HECW1: variants seen among roughly 807,000 people sequenced by gnomAD.
The protein encoded by HECW1 is E3 ubiquitin-protein ligase HECW1.
Under a neutral mutation model 182.3 loss-of-function variants are expected in HECW1, and 61 were observed. The observed-to-expected ratio is 0.33, with a 90% CI of 0.27 to 0.41. The LOEUF (loss-of-function observed/expected upper bound fraction) is 0.41, where lower values mean the gene tolerates loss of function less well. Among genes scored for constraint, HECW1 ranks in the 10% least tolerant of loss-of-function variants. HECW1 has a pLI of 1.00. For missense variants in HECW1, 1,739 were observed against 2,108.9 expected (o/e 0.82, Z 3.44); for synonymous variants, 859 against 832.6 (o/e 1.03, Z -0.55).
At chr7:43,322,434 A>G (rs1441860939) in intron 5 of HECW1, among the ~76,000 whole-genome samples, 1 of 152,062 alleles carries the variant, frequency 6.6e-6, no homozygotes. Context: ...AAAATCCCTT[A>G]AACCCAATTT....
intron 2 of HECW1, among the ~76,000 whole-genome samples, chr7:43,180,783 A>G (rs1792774154): frequency 6.6e-6 from 1 of 152,252 alleles, no homozygotes; most frequent in African/African-American, 2.4e-5. Context: ...ACATTGTTTA[A>G]TGAACAAATC....
chr7:43,258,210 C>T (rs1465284058), intron 3 of HECW1, among the ~76,000 whole-genome samples: 2 of 151,860 alleles, frequency 1.3e-5, no homozygotes, highest in Non-Finnish European at 2.9e-5. Context: ...GGTGTGGTGG[C>T]ACATGGCCTG....
intron 7 of HECW1, among the ~76,000 whole-genome samples, chr7:43,403,058 TAAA>T (rs2075479948): frequency 6.6e-6 from 1 of 152,212 alleles, no homozygotes; most frequent in Admixed American, 6.5e-5. Context: ...CAAAATGTTC[TAAA>T]AGGCATGGGA....
At chr7:43,356,772 A>C (rs1020159745) in intron 5 of HECW1, among the ~76,000 whole-genome samples, 2 of 152,236 alleles carry the variant, frequency 1.3e-5, no homozygotes, top group Non-Finnish European at 2.9e-5. Context: ...TGGAAATTAA[A>C]CTACATGCTC....
Position 43,225,057 on chromosome 7 carries a change from C to T in HECW1, c.-31-18818C>T, listed in dbSNP as rs554256004. On this transcript the variant is annotated intron_variant, in intron 2 of 29. Transcript: ENST00000395891. ...TGATTAGATTGGTGGCAGGTAAATC[C>T]TGTAGCAAAGGTGTGGGGGAAGATG... Among the ~76,000 whole-genome samples the T allele has an allele frequency of 2.6e-5, 4 of 152,136 alleles. No homozygotes were observed. In the East Asian group the frequency reaches 7.7e-4, roughly 29 times the overall value.
intron 14 of HECW1, among the ~76,000 whole-genome samples, chr7:43,465,979 GGGAGGGAA>G (rs2077755018): frequency 7.3e-6 from 1 of 137,890 alleles, no homozygotes; most frequent in Non-Finnish European, 1.5e-5. Flanking sequence ...AAAGAAGGGA[GGGAGGGAA>G]GGAAGGAAGG....
At chr7:43,525,614 A>G (rs2152942368) in intron 24 of HECW1, among the ~76,000 whole-genome samples, 1 of 152,368 alleles carries the variant, frequency 6.6e-6, no homozygotes, top group East Asian at 1.9e-4. Context: ...GAGGTGGACC[A>G]GGGACAGAGG....
chr7:43,410,194 G>C (rs914366107), intron 8 of HECW1, among the ~76,000 whole-genome samples: 1 of 152,144 alleles, frequency 6.6e-6, no homozygotes, highest in Non-Finnish European at 1.5e-5. Flanking sequence ...AAAATGACTG[G>C]GTGGCTTAAA....
chr7:43,353,238 G>A (rs372461521), intron 5 of HECW1, among the ~76,000 whole-genome samples: 15 of 152,064 alleles, frequency 9.9e-5, no homozygotes, highest in African/African-American at 1.9e-4. Context: ...AAGAAGAAAC[G>A]TTAATGATTT....
At chr7:43,139,529 C>T (rs1463550731) in intron 2 of HECW1, among the ~76,000 whole-genome samples, 1 of 151,428 alleles carries the variant, frequency 6.6e-6, no homozygotes, top group Non-Finnish European at 1.5e-5. Flanking sequence ...ATTTTCTCTT[C>T]TATAACATTT....
In HECW1 at chr7:43,237,717, C is replaced by A. The variant is rs529019335; in HGVS notation, c.-31-6158C>A. Among the ~76,000 whole-genome samples the A allele has an allele frequency of 2.0e-5, 3 of 152,272 alleles. No individual in the cohort carries two copies. The East Asian group carries it at 5.8e-4, about 29-fold the overall frequency. ...TCAATGCATGTTGGGTGACTCTGAG[C>A]CTGCTTTGCTAGATAATACCTCTCC... On this transcript the variant is annotated intron_variant, in intron 2 of 29. Coordinates refer to ENST00000395891, the MANE Select transcript of HECW1 (RefSeq NM_015052.5).
rs562625916 is a variant in HECW1 at position 43,218,361 on chromosome 7, AT to A, written c.-31-25507del. Among the ~76,000 whole-genome samples, 19 of 152,224 alleles carry A rather than the reference AT, an allele frequency of 1.2e-4. No homozygotes were observed. The South Asian group carries it at 3.5e-3, about 28-fold the overall frequency. ...ATCTGAACCTCTTAGAGCTCAGGGT[AT>A]TTTTTTCCAAACAAGAGGACAAGAC... On this transcript the variant is annotated intron_variant, in intron 2 of 29. Coordinates refer to ENST00000395891, the MANE Select transcript of HECW1 (RefSeq NM_015052.5).
intron 18 of HECW1, among the ~76,000 whole-genome samples, chr7:43,492,564 A>G (rs2078972027): frequency 6.6e-6 from 1 of 152,212 alleles, no homozygotes; most frequent in Non-Finnish European, 1.5e-5. Flanking sequence ...TATGGCATAA[A>G]GTTTGCAGTG....
At chr7:43,561,336 C>T (rs1017245968) in intron 29 of HECW1, among the ~76,000 whole-genome samples, 1 of 152,212 alleles carries the variant, frequency 6.6e-6, no homozygotes, top group African/African-American at 2.4e-5. Context: ...GTCTCCAGAG[C>T]ACACTTGACT....
chr7:43,142,526 C>G (rs1788269091), intron 2 of HECW1, among the ~76,000 whole-genome samples: 1 of 152,200 alleles, frequency 6.6e-6, no homozygotes, highest in South Asian at 2.1e-4. Flanking sequence ...TCCCTCCCCA[C>G]ACAAAGCCAA....
intron 3 of HECW1, among the ~76,000 whole-genome samples, chr7:43,307,279 G>C (rs549389878): frequency 5.9e-5 from 9 of 152,230 alleles, no homozygotes; most frequent in Non-Finnish European, 1.0e-4. Context: ...TGAAACTATT[G>C]CTGATATTCT....
rs551605149 is a variant in HECW1 at position 43,524,061 on chromosome 7, C to A, written c.4019+14940C>A. Among the ~76,000 whole-genome samples, 89 of 152,250 alleles carry A rather than the reference C, an allele frequency of 5.8e-4. 1 individual carries two copies. The highest frequency in any genetic ancestry group is 2.0e-3 in the African/African-American group (85 of 41,528). On this transcript the variant is annotated intron_variant, in intron 24 of 29. Transcript: ENST00000395891. ...GTGGTTCTCAAATTTTAGTCGGCAA[C>A]TGCAGAATTTATTTTAAATGCAGAT... is the stretch of plus-strand genomic sequence containing the variant.
At chr7:43,406,385 A>C (rs548811378) in intron 7 of HECW1, among the ~76,000 whole-genome samples, 1 of 152,324 alleles carries the variant, frequency 6.6e-6, no homozygotes, top group Non-Finnish European at 1.5e-5. Context: ...ATCATGCCAG[A>C]GAGTAGGAAT....
At chr7:43,375,841 C>T (rs1584685849) in intron 6 of HECW1, among the ~76,000 whole-genome samples, 1 of 138,002 alleles carries the variant, frequency 7.2e-6, no homozygotes. Flanking sequence ...TGCAGTGAGC[C>T]ATGATCAAAC....
Sources: allele counts gnomAD v4.1 joint callset (sites outside exome capture counted in the v4.1 genomes callset), GRCh38; gene constraint gnomAD v4.1.1; transcripts MANE v1.5; gene names NCBI Gene and HGNC (gene_info 2026-07-23, HGNC 2026-07-21).